The following PAX5 variants were observed in gnomAD, a reference collection of about 807,000 sequenced individuals.
The protein encoded by PAX5 is paired box 5, also known as paired box protein Pax-5.
PAX5 carries 9 observed loss-of-function variants against 43.7 expected under a neutral mutation model. The ratio of observed to expected loss-of-function variants is 0.21; its 90% confidence interval spans 0.12 to 0.36. The LOEUF is 0.36. Ranked by LOEUF, PAX5 falls within the 10% of genes least tolerant of loss-of-function variation. The pLI, the probability that PAX5 is intolerant of heterozygous loss-of-function variation, is 1.00. For missense variants in PAX5, 383 were observed against 532.7 expected, an observed-to-expected ratio of 0.72 and a Z score of 2.77; for synonymous variants, 228 against 214.3, an observed-to-expected ratio of 1.06 and a Z score of -0.56.
chr9:37,011,377 T>C (rs1285706402), intron 3 of PAX5, among the ~76,000 whole-genome samples: 2 of 152,204 alleles, frequency 1.3e-5, no homozygotes, highest in African/African-American at 4.8e-5. Context: ...CACCCAACAA[T>C]ACTGGCCTCA....
chr9:36,922,433 TTG>T (rs1422827430), intron 7 of PAX5, among the ~76,000 whole-genome samples: 1 of 152,100 alleles, frequency 6.6e-6, no homozygotes, highest in Non-Finnish European at 1.5e-5. Context: ...GCCTGCCCGG[TTG>T]GACAACCAAG....
At chr9:36,849,276 C>T (rs145986680) in intron 8 of PAX5, among the ~76,000 whole-genome samples, 134 of 152,350 alleles carry the variant, frequency 8.8e-4, no homozygotes, top group African/African-American at 3.1e-3. Context: ...GGAAGCCTTC[C>T]CTGATCACTG....
At chr9:36,943,320 C>T (rs1024802437) in intron 6 of PAX5, among the ~76,000 whole-genome samples, 5 of 152,170 alleles carry the variant, frequency 3.3e-5, no homozygotes, top group African/African-American at 1.2e-4. Context: ...TCCTAGCATC[C>T]CATAGGTGGT....
chr9:36,894,766 C>A (rs934067390), intron 7 of PAX5, among the ~76,000 whole-genome samples: 1 of 152,244 alleles, frequency 6.6e-6, no homozygotes, highest in Admixed American at 6.5e-5. Flanking sequence ...CCACAGCCAC[C>A]CTCGGGCCAT....
intron 8 of PAX5, among the ~76,000 whole-genome samples, chr9:36,872,038 C>A (rs573809998): frequency 1.3e-5 from 2 of 152,368 alleles, no homozygotes; most frequent in Admixed American, 1.3e-4. Flanking sequence ...TGATGGTGAT[C>A]TTTACTACCT....
At chr9:36,950,250 C>A (rs1415311307) in intron 6 of PAX5, among the ~76,000 whole-genome samples, 1 of 152,214 alleles carries the variant, frequency 6.6e-6, no homozygotes, top group Non-Finnish European at 1.5e-5. Context: ...GAAGGGTCTG[C>A]ACCTTCTTAA....
chr9:36,912,006 G>T (rs1829334094), intron 7 of PAX5, among the ~76,000 whole-genome samples: 1 of 152,180 alleles, frequency 6.6e-6, no homozygotes, highest in African/African-American at 2.4e-5. Context: ...TGCTTCCAAT[G>T]ATAGACACTG....
intron 8 of PAX5, among the ~76,000 whole-genome samples, chr9:36,875,196 C>T (rs2131726734): frequency 6.6e-6 from 1 of 152,332 alleles, no homozygotes; most frequent in East Asian, 1.9e-4. Flanking sequence ...TTGGTTGCAT[C>T]ACCCCAGCCC....
rs1464716077 is a variant in PAX5, at chr9:36,835,321, GA to G, written c.*5238del. 2.6e-5 allele frequency: 6 copies of G among 232,886 alleles called. No homozygotes were observed. The highest frequency in any genetic ancestry group is 4.2e-5 in the Non-Finnish European group (5 of 117,842). The allele number at this position is 232,886 out of a possible 1,614,324, so 14.4% of individuals were successfully genotyped here. On this transcript the variant is annotated 3_prime_UTR_variant, in exon 10 of 10. Transcript: ENST00000358127. ...GAGCCTCAGTGCTGAGGAATTACCA[GA>G]AAAGGAAAGACAGGCTGGTGCCTGC...
intron 7 of PAX5, among the ~76,000 whole-genome samples, chr9:36,908,115 C>G (rs1032925627): frequency 6.6e-6 from 1 of 151,406 alleles, no homozygotes; most frequent in African/African-American, 2.4e-5. Context: ...GGGAGGATCC[C>G]TTGAGGCTGG....
chr9:36,990,231 C>T (rs1388435252), intron 5 of PAX5, among the ~76,000 whole-genome samples: 1 of 152,158 alleles, frequency 6.6e-6, no homozygotes, highest in East Asian at 1.9e-4. Flanking sequence ...ATATAACAGT[C>T]CAATCACAAG....
intron 7 of PAX5, among the ~76,000 whole-genome samples, chr9:36,884,595 A>G (rs1276276873): frequency 1.3e-5 from 2 of 152,222 alleles, no homozygotes; most frequent in Admixed American, 6.5e-5. Context: ...GAAACCTATT[A>G]TCAATGTTAT....
At chr9:36,988,949 T>C (rs1016407547) in intron 5 of PAX5, among the ~76,000 whole-genome samples, 1 of 152,234 alleles carries the variant, frequency 6.6e-6, no homozygotes, top group African/African-American at 2.4e-5. Flanking sequence ...TAAAGCCCTT[T>C]GCTGTCAAAG....
chr9:37,003,349 C>T (rs1838107909), intron 4 of PAX5, among the ~76,000 whole-genome samples: 1 of 152,004 alleles, frequency 6.6e-6, no homozygotes, highest in Admixed American at 6.6e-5. Flanking sequence ...CTTCCAGTTT[C>T]CCCCGATTTG....
chr9:37,031,499 C>T (rs1840979753), intron 1 of PAX5, among the ~76,000 whole-genome samples: 2 of 152,100 alleles, frequency 1.3e-5, no homozygotes, highest in South Asian at 4.2e-4. Flanking sequence ...CTCAAGGGTT[C>T]CCATGGCAAG....
intron 3 of PAX5, among the ~76,000 whole-genome samples, chr9:37,009,665 A>G (rs1838761745): frequency 6.6e-6 from 1 of 152,208 alleles, no homozygotes; most frequent in Admixed American, 6.5e-5. Flanking sequence ...GTACATTTAA[A>G]AATAACTAAA....
At chr9:36,900,117 T>C (rs1218284150) in intron 7 of PAX5, among the ~76,000 whole-genome samples, 1 of 152,230 alleles carries the variant, frequency 6.6e-6, no homozygotes, top group African/African-American at 2.4e-5. Context: ...CTTCTTTTGT[T>C]TGGGGCATTT....
chr9:37,030,422 T>C (rs1254962347), intron 1 of PAX5, among the ~76,000 whole-genome samples: 1 of 152,074 alleles, frequency 6.6e-6, no homozygotes, highest in Non-Finnish European at 1.5e-5. Flanking sequence ...CTACTGCGCC[T>C]CAGTCCTGTC....
chr9:36,843,534 A>C (rs1822279129), intron 9 of PAX5, among the ~76,000 whole-genome samples: 1 of 152,194 alleles, frequency 6.6e-6, no homozygotes, highest in African/African-American at 2.4e-5. Flanking sequence ...AGACCTGCCT[A>C]GGCTCCTCCA....
Sources: gnomAD v4.1 joint callset for allele counts (sites outside exome capture counted in the v4.1 genomes callset) on GRCh38, gnomAD v4.1.1 for gene constraint, MANE v1.5 for transcripts, NCBI Gene and HGNC (gene_info 2026-07-23, HGNC 2026-07-21) for gene names.